Variants in RANBP17 observed in about 807,000 individuals in gnomAD.
RANBP17 encodes the protein RAN binding protein 17.
A neutral mutation model predicts 141.2 loss-of-function variants in RANBP17; 158 were observed. That is an observed-to-expected ratio of 1.12 (90% confidence interval 0.98 to 1.28). RANBP17 has a LOEUF of 1.28. Ranked by LOEUF, RANBP17 falls within the 50% of genes most tolerant of loss-of-function variation. The pLI is 0.00. For missense variants in RANBP17, 1,438 were observed against 1,290.7 expected (o/e 1.11, Z -1.75); for synonymous variants, 430 against 450.0 (o/e 0.96, Z 0.56).
chr5:171,227,399 C>A (rs1012171243), intron 22 of RANBP17, among the ~76,000 whole-genome samples: 1 of 152,194 alleles, frequency 6.6e-6, no homozygotes, highest in African/African-American at 2.4e-5. Flanking sequence ...TAATCCAGAG[C>A]AAGGCTCTAA....
intron 14 of RANBP17, among the ~76,000 whole-genome samples, chr5:171,055,719 C>A (rs1783297747): frequency 6.6e-6 from 1 of 151,760 alleles, no homozygotes; most frequent in African/African-American, 2.4e-5. Flanking sequence ...TAGCACAGAT[C>A]AGGAACCCTC....
chr5:170,973,140 A>C (rs759583774), intron 14 of RANBP17, among the ~76,000 whole-genome samples: 18 of 152,322 alleles, frequency 1.2e-4, no homozygotes, highest in African/African-American at 4.1e-4. Flanking sequence ...AGGATCATCC[A>C]TCTCCCCTGT....
intron 14 of RANBP17, among the ~76,000 whole-genome samples, chr5:171,043,150 A>T (rs532826929): frequency 2.0e-5 from 3 of 152,312 alleles, no homozygotes; most frequent in African/African-American, 7.2e-5. Flanking sequence ...GTAATCAGTA[A>T]TTCTTTTTGA....
intron 14 of RANBP17, among the ~76,000 whole-genome samples, chr5:170,987,196 A>T (rs555368331): frequency 6.6e-6 from 1 of 151,886 alleles, no homozygotes; most frequent in Admixed American, 6.6e-5. Flanking sequence ...ATTATAGGGG[A>T]AAGGCACCTG....
intron 14 of RANBP17, among the ~76,000 whole-genome samples, chr5:171,089,152 C>A (rs1216330173): frequency 6.7e-6 from 1 of 150,224 alleles, no homozygotes; most frequent in Non-Finnish European, 1.5e-5. Context: ...GTGTGGATGT[C>A]CTTTCTGTTT....
At chr5:171,231,227 GC>G (rs1399142421) in intron 22 of RANBP17, among the ~76,000 whole-genome samples, 1 of 151,604 alleles carries the variant, frequency 6.6e-6, no homozygotes, top group Non-Finnish European at 1.5e-5. Flanking sequence ...TGGATCACAG[GC>G]TTGAGCCACC....
chr5:171,044,216 G>T (rs540128966), intron 14 of RANBP17, among the ~76,000 whole-genome samples: 1 of 151,778 alleles, frequency 6.6e-6, no homozygotes, highest in Non-Finnish European at 1.5e-5. Context: ...TAATGCCCCC[G>T]GTGAAATCTG....
chr5:170,871,183 G>A (rs1767686923), intron 1 of RANBP17, among the ~76,000 whole-genome samples: 1 of 151,990 alleles, frequency 6.6e-6, no homozygotes, highest in African/African-American at 2.4e-5. Flanking sequence ...TGAGTAGCTG[G>A]GATTACAGGC....
chr5:170,878,217 T>C lies in RANBP17; in HGVS notation c.139T>C (p.Cys47Arg), dbSNP rs1171683560. The stretch of plus-strand genomic sequence containing the variant: ...TGACAGTCCAGAATGTCTCAGCAAG[T>C]GTCAACTTTTATTAGAACAAGGAAC... ...LIDSPECLSK[C>R]QLLLEQGTTS... is the part of the protein sequence containing the mutation. Residue 47 changes from cysteine (C) to arginine (R), a missense_variant, in exon 2 of 28, where the codon TGT (cysteine) becomes CGT (arginine). Cys to Arg is a radical substitution (Grantham distance 180). Coordinates refer to ENST00000523189, the MANE Select transcript of RANBP17 (RefSeq NM_022897.5). 1 of 1,609,908 alleles carries C rather than the reference T, an allele frequency of 6.2e-7. No individual in the cohort carries two copies. Among genetic ancestry groups the C allele is most frequent in the South Asian group, 1.1e-5 (1 of 89,576 alleles).
chr5:171,173,263 G>T lies in RANBP17; in HGVS notation c.1865+1977G>T, dbSNP rs572054277. On this transcript the variant is annotated intron_variant, in intron 16 of 27. Coordinates refer to ENST00000523189, the MANE Select transcript of RANBP17 (RefSeq NM_022897.5). ...CCAATGGATTTCTTTATTATAATGT[G>T]TTTTTCAGTCTTGATTTTAAAGCAA... Among the ~76,000 whole-genome samples the T allele has an allele frequency of 7.9e-5, 12 of 151,836 alleles. 1 individual carries two copies. In the South Asian group the frequency reaches 2.5e-3, roughly 32 times the overall value.
intron 9 of RANBP17, among the ~76,000 whole-genome samples, chr5:170,917,669 T>A (rs867248751): frequency 6.6e-6 from 1 of 152,138 alleles, no homozygotes. Context: ...GTTGTGAAAT[T>A]TTCTGTTTTG....
chr5:170,930,090 G>A (rs935528618), intron 12 of RANBP17, among the ~76,000 whole-genome samples: 10 of 151,278 alleles, frequency 6.6e-5, no homozygotes, highest in African/African-American at 2.4e-4. Context: ...CACTTTTGTT[G>A]ATCTTTTTAG....
At chr5:171,221,359 G>A (rs375688053) in intron 21 of RANBP17, among the ~76,000 whole-genome samples, 8 of 152,204 alleles carry the variant, frequency 5.3e-5, no homozygotes, top group African/African-American at 1.9e-4. Context: ...TGTGTATCAG[G>A]CACTGTAGGA....
intron 1 of RANBP17, among the ~76,000 whole-genome samples, chr5:170,874,910 T>C (rs952283528): frequency 3.3e-5 from 5 of 152,192 alleles, no homozygotes; most frequent in Non-Finnish European, 7.3e-5. Context: ...TTGATGCAGC[T>C]TCTTCATGGT....
At chr5:171,192,887 T>C (rs560515686) in intron 18 of RANBP17, among the ~76,000 whole-genome samples, 1 of 152,298 alleles carries the variant, frequency 6.6e-6, no homozygotes, top group East Asian at 1.9e-4. Context: ...TAGCTAGCAC[T>C]CCTAAGCAAT....
rs559718121 is a variant in RANBP17, at chr5:170,944,279, C to T, written c.1469-9318C>T. ...GTATTTGACAGCTTAATAAGAACGT[C>T]TTTTTTTGAGACAGGGTCTCACTGT... On this transcript the variant is annotated intron_variant, in intron 12 of 27. Transcript: ENST00000523189. Among the ~76,000 whole-genome samples, 194 of 152,198 alleles carry T rather than the reference C, an allele frequency of 1.3e-3. 1 individual carries two copies. Among genetic ancestry groups the T allele is most frequent in the African/African-American group, 4.4e-3 (184 of 41,520 alleles).
intron 14 of RANBP17, among the ~76,000 whole-genome samples, chr5:170,993,535 C>T (rs1778637946): frequency 6.6e-6 from 1 of 152,012 alleles, no homozygotes; most frequent in Non-Finnish European, 1.5e-5. Flanking sequence ...CTGTCTTAGA[C>T]AAATATGTAA....
At chr5:171,134,460 A>G (rs1298592286) in intron 14 of RANBP17, among the ~76,000 whole-genome samples, 2 of 152,208 alleles carry the variant, frequency 1.3e-5, no homozygotes, top group African/African-American at 2.4e-5. Flanking sequence ...GGCATAGTCA[A>G]AGAATCTGTT....
At chr5:171,029,636 C>T (rs1347348257) in intron 14 of RANBP17, among the ~76,000 whole-genome samples, 1 of 152,046 alleles carries the variant, frequency 6.6e-6, no homozygotes, top group East Asian at 1.9e-4. Flanking sequence ...GTGCCTCAGG[C>T]AAGTGGTCAT....
Sources: gnomAD v4.1 joint callset for allele counts (sites outside exome capture counted in the v4.1 genomes callset) on GRCh38, gnomAD v4.1.1 for gene constraint, MANE v1.5 for transcripts, NCBI Gene and HGNC (gene_info 2026-07-23, HGNC 2026-07-21) for gene names.